ZDHHC21: variants seen among roughly 807,000 people sequenced by gnomAD.
ZDHHC21 encodes the protein zDHHC palmitoyltransferase 21.
Under a neutral mutation model 34.6 loss-of-function variants are expected in ZDHHC21, and 15 were observed. That is an observed-to-expected ratio of 0.43 (90% CI 0.29 to 0.67). The LOEUF is 0.67. Among genes scored for constraint, ZDHHC21 ranks in the 30% least tolerant of loss-of-function variants. The pLI, the probability that ZDHHC21 is intolerant of heterozygous loss-of-function variation, is 0.14. For missense variants in ZDHHC21, 344 were observed against 327.7 expected (o/e 1.05, Z -0.38); for synonymous variants, 142 against 101.8 (o/e 1.40, Z -2.38).
At chr9:14,679,178 A>G (rs1428090712) in intron 3 of ZDHHC21, among the ~76,000 whole-genome samples, 1 of 152,168 alleles carries the variant, frequency 6.6e-6, no homozygotes, top group Non-Finnish European at 1.5e-5. Context: ...ACAGAGATCT[A>G]GTTAGCAATA....
Position 14,661,707 on chromosome 9 carries a change from C to T in ZDHHC21, c.365+508G>A, listed in dbSNP as rs142255147. Among the ~76,000 whole-genome samples the T allele has an allele frequency of 4.9e-3, 741 of 152,306 alleles. 8 individuals are homozygous for T. The highest frequency in any genetic ancestry group is 0.017 in the Middle Eastern group (5 of 294). On this transcript the variant is annotated intron_variant, in intron 6 of 9. Transcript: ENST00000380916. ...TCTGCAGAATCAGCTAATTATCACT[C>T]ACATACTTCCAACAAGTACATAATG...
intron 9 of ZDHHC21, 71 bp downstream of exon 9, chr9:14,619,568 C>T: frequency 1.7e-6 from 2 of 1,156,278 alleles, no homozygotes. Context: ...CTACCATATG[C>T]ACATATTTCT....
chr9:14,672,898 AC>A lies in ZDHHC21; in HGVS notation c.184del (p.Val62LeufsTer3). 6.2e-7 allele frequency: 1 copy of A among 1,605,894 alleles called. No individual in the cohort carries two copies. The highest frequency in any genetic ancestry group is 1.1e-5 in the South Asian group (1 of 89,732). ...AGTTATGGAGGCCCTCACTAAGGCA[AC>A]CAGACAGAATATGGAAATGCCATAG... ...IFYGISIFCL[V>X]ALVRASITDP... On this transcript the variant is annotated frameshift_variant, in exon 5 of 10. Coordinates refer to ENST00000380916, the MANE Select transcript of ZDHHC21 (RefSeq NM_178566.6). LOFTEE classifies it high-confidence loss of function.
the ZDHHC21 span, among the ~76,000 whole-genome samples, chr9:14,604,435 C>T: frequency 6.6e-6 from 1 of 152,146 alleles, no homozygotes; most frequent in South Asian, 2.1e-4. Context: ...AAAATAGTAT[C>T]ATTTATGGAT....
At chr9:14,603,706 A>C in the ZDHHC21 span, among the ~76,000 whole-genome samples, 2 of 152,180 alleles carry the variant, frequency 1.3e-5, no homozygotes, top group African/African-American at 4.8e-5. Context: ...ACTTATTTTT[A>C]TAAGGACTTT....
chr9:14,632,823 T>C (rs191677479), intron 8 of ZDHHC21, among the ~76,000 whole-genome samples: 1 of 152,146 alleles, frequency 6.6e-6, no homozygotes, highest in African/African-American at 2.4e-5. Context: ...ACAACAAGCA[T>C]GTGAAAAGAT....
intron 8 of ZDHHC21, among the ~76,000 whole-genome samples, chr9:14,623,507 T>C (rs977056930): frequency 6.6e-6 from 1 of 151,154 alleles, no homozygotes; most frequent in Non-Finnish European, 1.5e-5. Context: ...CCAGCTTAGG[T>C]GATAGAATGA....
chr9:14,603,505 C>T, the ZDHHC21 span, among the ~76,000 whole-genome samples: 2 of 152,008 alleles, frequency 1.3e-5, no homozygotes, highest in African/African-American at 4.8e-5. Context: ...GGTATTTTTC[C>T]CCAGTGTGGT....
At chr9:14,591,151 T>C in the ZDHHC21 span, among the ~76,000 whole-genome samples, 26 of 152,246 alleles carry the variant, frequency 1.7e-4, no homozygotes, top group Admixed American at 1.5e-3. Flanking sequence ...AGGAAAATAC[T>C]GAGTTACTCC....
the ZDHHC21 span, among the ~76,000 whole-genome samples, chr9:14,597,168 G>A: frequency 2.0e-5 from 3 of 151,988 alleles, no homozygotes; most frequent in East Asian, 1.9e-4. Flanking sequence ...CACACACCCC[G>A]AGACCCAAGC....
At chr9:14,650,819 T>C (rs1159051096) in intron 7 of ZDHHC21, among the ~76,000 whole-genome samples, 1 of 151,986 alleles carries the variant, frequency 6.6e-6, no homozygotes, top group African/African-American at 2.4e-5. Context: ...TTATTTATTT[T>C]CCTCTTCTGA....
chr9:14,642,509 T>C (rs1587050174), intron 7 of ZDHHC21, among the ~76,000 whole-genome samples: 1 of 152,180 alleles, frequency 6.6e-6, no homozygotes, highest in East Asian at 1.9e-4. Flanking sequence ...CCTTAGAATA[T>C]GACTGTAGTT....
Position 14,616,743 on chromosome 9 carries a change from T to A in ZDHHC21, c.*2223A>T, listed in dbSNP as rs1166693695. On this transcript the variant is annotated 3_prime_UTR_variant, in exon 10 of 10. Transcript: ENST00000380916. ...ATATACTGTAATATACATTCTTATG[T>A]ATATATACTGATAGATAGCATTTCT... The A allele has an allele frequency of 6.6e-6, 1 of 151,848 alleles. No individual in the cohort carries two copies. Among genetic ancestry groups the A allele is most frequent in the Non-Finnish European group, 1.5e-5 (1 of 67,812 alleles). 9.4% of individuals were successfully genotyped at this position (151,848 alleles called of 1,614,324 possible). A position where few individuals can be genotyped will look rare whatever the true frequency, so the allele number is the denominator to read the frequency against.
downstream of ZDHHC21, among the ~76,000 whole-genome samples, chr9:14,610,697 T>TA (rs1340481062): frequency 2.0e-5 from 3 of 151,938 alleles, no homozygotes; most frequent in Non-Finnish European, 2.9e-5. Flanking sequence ...GGTGTAAACT[T>TA]AAAGTTTCTG....
chr9:14,684,808 C>A (rs948610286), intron 2 of ZDHHC21, among the ~76,000 whole-genome samples: 11 of 152,168 alleles, frequency 7.2e-5, no homozygotes, highest in African/African-American at 2.7e-4. Flanking sequence ...AACTACACTA[C>A]AAGGCTACAG....
At chr9:14,607,923 T>C (rs1055191617), downstream of ZDHHC21, among the ~76,000 whole-genome samples, 1 of 152,124 alleles carries the variant, frequency 6.6e-6, no homozygotes, top group African/African-American at 2.4e-5. Flanking sequence ...TGACAAAAAT[T>C]AGAGCACTTC....
In ZDHHC21 at chr9:14,613,662, A is replaced by G. The variant is rs1223998356; in HGVS notation, c.*5304T>C. 2.0e-5 allele frequency: 3 copies of G among 151,838 alleles called. No homozygotes were observed. The highest frequency in any genetic ancestry group is 7.2e-5 in the African/African-American group (3 of 41,422). 9.4% of individuals were successfully genotyped at this position (151,838 alleles called of 1,614,324 possible). ...ACATTACATGTTACAGATATTCAAA[A>G]TACCAATAGAAATGGAGACCTTCGA... On this transcript the variant is annotated 3_prime_UTR_variant, in exon 10 of 10. Transcript: ENST00000380916.
intron 9 of ZDHHC21, 117 bp downstream of exon 9, chr9:14,619,521 CA>C: frequency 1.2e-6 from 1 of 864,652 alleles, no homozygotes; most frequent in Non-Finnish European, 1.7e-6. Context: ...AGGCCTCAGA[CA>C]ATGCACCAAG....
chr9:14,684,961 C>T (rs1838046177), intron 2 of ZDHHC21, among the ~76,000 whole-genome samples: 1 of 152,144 alleles, frequency 6.6e-6, no homozygotes, highest in Non-Finnish European at 1.5e-5. Context: ...GAAAGGATTC[C>T]CTATTTAATA....
Sources: allele counts gnomAD v4.1 joint callset (sites outside exome capture counted in the v4.1 genomes callset), GRCh38; gene constraint gnomAD v4.1.1; transcripts MANE v1.5; gene names NCBI Gene and HGNC (gene_info 2026-07-23, HGNC 2026-07-21).